The following RERE variants were observed in gnomAD, a reference collection of about 807,000 sequenced individuals.
RERE encodes arginine-glutamic acid dipeptide repeats protein.
RERE carries 40 observed loss-of-function variants against 146.1 expected under a neutral mutation model. That is an observed-to-expected ratio of 0.27 (90% confidence interval 0.21 to 0.36). The LOEUF (loss-of-function observed/expected upper bound fraction) is 0.36, where lower values mean the gene tolerates loss of function less well. RERE is among the 10% of genes least tolerant of loss of function. RERE has a pLI of 1.00. For synonymous variants in RERE, 1,003 were observed against 866.0 expected, an observed-to-expected ratio of 1.16 and a Z score of -2.78; for missense variants, 1,933 against 2,138.7, an observed-to-expected ratio of 0.90 and a Z score of 1.90.
chr1:8,798,934 C>A (rs1641533662), intron 1 of RERE, among the ~76,000 whole-genome samples: 1 of 152,010 alleles, frequency 6.6e-6, no homozygotes, highest in South Asian at 2.1e-4. Flanking sequence ...TCAGGTGATC[C>A]ACCCGCCTCA....
intron 1 of RERE, among the ~76,000 whole-genome samples, chr1:8,783,834 G>A (rs576169093): frequency 3.9e-5 from 6 of 152,140 alleles, no homozygotes; most frequent in East Asian, 3.9e-4. Context: ...AACAGACATC[G>A]TAGACTGAAT....
chr1:8,476,150 A>T (rs1216475711), intron 10 of RERE, among the ~76,000 whole-genome samples: 1 of 152,198 alleles, frequency 6.6e-6, no homozygotes, highest in Non-Finnish European at 1.5e-5. Flanking sequence ...AGCAGTGCAC[A>T]GTGTGCTAGG....
chr1:8,405,535 A>T (rs1212574071), intron 12 of RERE, among the ~76,000 whole-genome samples: 2 of 152,276 alleles, frequency 1.3e-5, no homozygotes, highest in African/African-American at 4.8e-5. Context: ...GAACTGAATG[A>T]GGCCATTTCT....
At chr1:8,361,640 G>T in intron 17 of RERE, 123 bp downstream of exon 17, 1 of 1,330,276 alleles carries the variant, frequency 7.5e-7, no homozygotes, top group Non-Finnish European at 1.1e-6. Context: ...CCCAGCCAGT[G>T]TCAAAGGCCA....
At chr1:8,389,955 C>A (rs1399005312) in intron 12 of RERE, among the ~76,000 whole-genome samples, 1 of 152,118 alleles carries the variant, frequency 6.6e-6, no homozygotes. Context: ...TCTCTGTGGA[C>A]CTGTCAAGAC....
At chr1:8,698,735 C>A (rs12075458) in intron 1 of RERE, among the ~76,000 whole-genome samples, 87,315 of 151,712 alleles carry the variant, frequency 0.58, 25,740 homozygotes, top group East Asian at 0.84. Context: ...TAGTCTTGAA[C>A]TTCTGGACTC....
At chr1:8,557,327 A>C in intron 5 of RERE, 91 bp downstream of exon 5, 1 of 902,166 alleles carries the variant, frequency 1.1e-6, no homozygotes, top group Non-Finnish European at 1.8e-6. Context: ...TCCATTTTTC[A>C]AAAAGTTATC....
At chr1:8,395,302 C>T (rs2124431720) in intron 12 of RERE, among the ~76,000 whole-genome samples, 1 of 152,060 alleles carries the variant, frequency 6.6e-6, no homozygotes, top group African/African-American at 2.4e-5. Context: ...GGTGAAACCC[C>T]ATCTCTACTA....
At chr1:8,662,140 TCA>T (rs992738546) in intron 1 of RERE, among the ~76,000 whole-genome samples, 28 of 152,304 alleles carry the variant, frequency 1.8e-4, no homozygotes, top group Middle Eastern at 6.8e-3. Context: ...GCCAGATTCC[TCA>T]CAGTTTTTTG....
At chr1:8,624,289 C>G (rs1405092935) in intron 3 of RERE, 21 bp downstream of exon 3, 2 of 1,568,262 alleles carry the variant, frequency 1.3e-6, no homozygotes, top group Non-Finnish European at 1.8e-6. Context: ...GCAGAGTGAA[C>G]AGCACATTAA....
At chr1:8,801,176 C>T (rs1156461085) in intron 1 of RERE, among the ~76,000 whole-genome samples, 2 of 151,988 alleles carry the variant, frequency 1.3e-5, no homozygotes, top group African/African-American at 4.8e-5. Context: ...GGGAAGATCG[C>T]TTGAGCCCAG....
Position 8,358,464 on chromosome 1 carries a change from C to CG in RERE, c.4070dup (p.Thr1358AspfsTer37). On this transcript the variant is annotated frameshift_variant, in exon 20 of 23. Coordinates refer to ENST00000400908, the MANE Select transcript of RERE (RefSeq NM_001042681.2). LOFTEE classifies it high-confidence loss of function. ...AAGCAAAAGGGTGGGGCCCGGCGGT[C>CG]GGGGGGATGGTGAGGGCGCTGTGCC... 2 of 1,583,444 alleles carry CG rather than the reference C, an allele frequency of 1.3e-6. No individual in the cohort carries two copies. Among genetic ancestry groups the CG allele is most frequent in the Admixed American group, 1.7e-5 (1 of 58,276 alleles).
chr1:8,738,645 T>C (rs536786756), intron 1 of RERE, among the ~76,000 whole-genome samples: 1 of 152,300 alleles, frequency 6.6e-6, no homozygotes, highest in Non-Finnish European at 1.5e-5. Context: ...TAGTCCCATT[T>C]ACTAAGGACT....
At chr1:8,541,439 A>G in intron 6 of RERE, 121 bp from the exon 7 acceptor site, 1 of 599,716 alleles carries the variant, frequency 1.7e-6, no homozygotes, top group Non-Finnish European at 3.0e-6. Flanking sequence ...ATCGGCTACA[A>G]ACACCACACT....
chr1:8,648,391 C>A (rs1170679213), intron 2 of RERE, among the ~76,000 whole-genome samples: 2 of 152,074 alleles, frequency 1.3e-5, no homozygotes, highest in East Asian at 3.9e-4. Context: ...ACCACCAAGC[C>A]CGGCTAACTT....
chr1:8,410,958 T>G (rs1292204981), intron 12 of RERE, among the ~76,000 whole-genome samples: 1 of 152,224 alleles, frequency 6.6e-6, no homozygotes, highest in Non-Finnish European at 1.5e-5. Context: ...AGGAGCATTT[T>G]ACATTCACAC....
At chr1:8,592,091 C>T (rs1646501770) in intron 4 of RERE, among the ~76,000 whole-genome samples, 1 of 152,178 alleles carries the variant, frequency 6.6e-6, no homozygotes, top group Admixed American at 6.5e-5. Flanking sequence ...GTACTTCCCT[C>T]CTCAATGAAA....
intron 6 of RERE, among the ~76,000 whole-genome samples, chr1:8,554,035 G>A (rs1450096948): frequency 6.6e-6 from 1 of 152,098 alleles, no homozygotes; most frequent in Middle Eastern, 3.4e-3. Flanking sequence ...AAATTAGCTG[G>A]GCATCGTGGC....
At chr1:8,546,143 C>T (rs1408361895) in intron 6 of RERE, among the ~76,000 whole-genome samples, 1 of 151,298 alleles carries the variant, frequency 6.6e-6, no homozygotes, top group Non-Finnish European at 1.5e-5. Context: ...GTGCGTGCCA[C>T]CACACCCAAC....
Sources: allele counts gnomAD v4.1 joint callset (sites outside exome capture counted in the v4.1 genomes callset), GRCh38; gene constraint gnomAD v4.1.1; transcripts MANE v1.5; gene names NCBI Gene and HGNC (gene_info 2026-07-23, HGNC 2026-07-21).